The following MAP7 variants were observed in gnomAD, a reference collection of about 807,000 sequenced individuals.
MAP7 encodes the protein ensconsin.
MAP7 carries 52 observed loss-of-function variants against 94.8 expected under a neutral mutation model. That is an observed-to-expected ratio of 0.55 (90% CI 0.44 to 0.69). MAP7 has a LOEUF of 0.69. Among genes scored for constraint, MAP7 ranks in the 30% least tolerant of loss-of-function variants. The pLI, the probability that MAP7 is intolerant of heterozygous loss-of-function variation, is 0.00. For missense variants in MAP7, 940 were observed against 964.6 expected (o/e 0.97, Z 0.34); for synonymous variants, 350 against 357.0 (o/e 0.98, Z 0.22).
At chr6:136,398,704 G>A (rs1452391425) in intron 3 of MAP7, among the ~76,000 whole-genome samples, 1 of 152,160 alleles carries the variant, frequency 6.6e-6, no homozygotes, top group Non-Finnish European at 1.5e-5. Context: ...CTACGATTCT[G>A]AGGTCTCCTC....
intron 1 of MAP7, among the ~76,000 whole-genome samples, chr6:136,513,648 G>A (rs891490309): frequency 6.6e-6 from 1 of 152,154 alleles, no homozygotes; most frequent in Non-Finnish European, 1.5e-5. Flanking sequence ...GCACCTGACA[G>A]TGATAATGCG....
chr6:136,431,967 C>G (rs1795070517), intron 1 of MAP7, among the ~76,000 whole-genome samples: 1 of 152,168 alleles, frequency 6.6e-6, no homozygotes, highest in Non-Finnish European at 1.5e-5. Context: ...CTCTACACCT[C>G]TCCTTTTCTT....
intron 1 of MAP7, among the ~76,000 whole-genome samples, chr6:136,523,825 A>C (rs1827096724): frequency 6.6e-6 from 1 of 152,190 alleles, no homozygotes; most frequent in South Asian, 2.1e-4. Context: ...AAAAATTGCC[A>C]AAAATAAGTA....
chr6:136,547,482 G>C (rs1157512365), intron 1 of MAP7, among the ~76,000 whole-genome samples: 3 of 152,140 alleles, frequency 2.0e-5, no homozygotes, highest in Non-Finnish European at 2.9e-5. Flanking sequence ...GCAGTTTTGT[G>C]AATATCACCC....
chr6:136,413,825 T>C (rs984899611), intron 2 of MAP7, among the ~76,000 whole-genome samples: 2 of 152,116 alleles, frequency 1.3e-5, no homozygotes, highest in African/African-American at 2.4e-5. Flanking sequence ...TTGCCCAGGC[T>C]GCCATATGTC....
chr6:136,412,179 C>G (rs1363808477), intron 2 of MAP7, among the ~76,000 whole-genome samples: 2 of 152,166 alleles, frequency 1.3e-5, no homozygotes, highest in Admixed American at 1.3e-4. Flanking sequence ...AAGTCTCAAG[C>G]TATGAGGTGT....
chr6:136,355,065 A>C (rs895279917), intron 16 of MAP7, among the ~76,000 whole-genome samples: 1 of 152,128 alleles, frequency 6.6e-6, no homozygotes, highest in African/African-American at 2.4e-5. Context: ...TCTACTAAAA[A>C]TACAAAAATT....
intron 2 of MAP7, among the ~76,000 whole-genome samples, chr6:136,421,334 G>A (rs1253032671): frequency 6.6e-6 from 1 of 152,228 alleles, no homozygotes; most frequent in Non-Finnish European, 1.5e-5. Context: ...ATAAAAAATT[G>A]TGTCCTATCA....
At chr6:136,538,926 C>T (rs1368464173) in intron 1 of MAP7, among the ~76,000 whole-genome samples, 2 of 151,776 alleles carry the variant, frequency 1.3e-5, no homozygotes, top group Non-Finnish European at 2.9e-5. Flanking sequence ...AGGTAAAAAC[C>T]ATCATCCCAA....
At chr6:136,371,510 C>T (rs1439215312) in intron 8 of MAP7, among the ~76,000 whole-genome samples, 4 of 152,214 alleles carry the variant, frequency 2.6e-5, no homozygotes, top group Admixed American at 6.5e-5. Context: ...GAAAGAAAAA[C>T]AGGCTGTAGG....
rs922683326 is a variant in MAP7, at chr6:136,531,564, T to C, written c.67+18778A>G. ...GGCAGTGGGGAGCCACTGAAGGGTATTGATAGCTAAATGTGTGATCCAGAC... is the reference window on the plus strand; with the variant it reads ...GGCAGTGGGGAGCCACTGAAGGGTACTGATAGCTAAATGTGTGATCCAGAC... On this transcript the variant is annotated intron_variant, in intron 1 of 17. Coordinates refer to ENST00000354570, the MANE Select transcript of MAP7 (RefSeq NM_003980.6). Among the ~76,000 whole-genome samples, 3 of 144,322 alleles carry C rather than the reference T, an allele frequency of 2.1e-5. 1 individual carries two copies. The highest frequency in any genetic ancestry group is 8.7e-5 in the African/African-American group (3 of 34,448). 94.7% of individuals were successfully genotyped at this position (144,322 alleles called of 152,430 possible).
intron 1 of MAP7, among the ~76,000 whole-genome samples, chr6:136,490,853 C>T (rs1816363627): frequency 6.6e-6 from 1 of 152,234 alleles, no homozygotes; most frequent in South Asian, 2.1e-4. Flanking sequence ...ACCTATAGGT[C>T]TGTCTGACAG....
intron 1 of MAP7, among the ~76,000 whole-genome samples, chr6:136,441,402 G>A (rs1447435228): frequency 2.6e-5 from 4 of 152,096 alleles, no homozygotes; most frequent in African/African-American, 4.8e-5. Flanking sequence ...AAATGTTCAC[G>A]AAATCAAATA....
intron 1 of MAP7, among the ~76,000 whole-genome samples, chr6:136,517,915 T>C (rs1450520536): frequency 6.6e-6 from 1 of 152,180 alleles, no homozygotes; most frequent in Non-Finnish European, 1.5e-5. Context: ...GGGGGTAACT[T>C]CTCTTAAAGT....
intron 3 of MAP7, among the ~76,000 whole-genome samples, chr6:136,409,339 C>A (rs2128733521): frequency 6.6e-6 from 1 of 152,206 alleles, no homozygotes; most frequent in East Asian, 1.9e-4. Flanking sequence ...CGTGATCACA[C>A]CTGTGAACAG....
At chr6:136,498,895 C>G (rs1368674919) in intron 1 of MAP7, among the ~76,000 whole-genome samples, 6 of 151,848 alleles carry the variant, frequency 4.0e-5, no homozygotes, top group African/African-American at 1.5e-4. Flanking sequence ...AGGATACTAG[C>G]TCCATTTCGC....
chr6:136,541,175 T>C lies in MAP7; in HGVS notation c.67+9167A>G, dbSNP rs534077774. Among the ~76,000 whole-genome samples the C allele has an allele frequency of 3.4e-4, 52 of 152,248 alleles. 1 individual carries two copies. In the South Asian group the frequency reaches 9.1e-3, roughly 27 times the overall value. On this transcript the variant is annotated intron_variant, in intron 1 of 17. Coordinates refer to ENST00000354570, the MANE Select transcript of MAP7 (RefSeq NM_003980.6). ...AGAACCAGAAGCCCAGATTCGAATC[T>C]TGAGAAGCAGCCAAAAGTTTTGCTA...
chr6:136,466,768 T>A (rs1807248279), intron 1 of MAP7: 1 of 1,535,128 alleles, frequency 6.5e-7, no homozygotes, highest in African/African-American at 1.4e-5. Flanking sequence ...TACAGTACAG[T>A]TTAGTGTCTT....
intron 3 of MAP7, among the ~76,000 whole-genome samples, chr6:136,397,198 G>T (rs1481394338): frequency 1.3e-5 from 2 of 151,800 alleles, no homozygotes; most frequent in Non-Finnish European, 2.9e-5. Flanking sequence ...TATTTTAAAT[G>T]GAAGGATAAC....
Sources: gnomAD v4.1 joint callset for allele counts (sites outside exome capture counted in the v4.1 genomes callset) on GRCh38, gnomAD v4.1.1 for gene constraint, MANE v1.5 for transcripts, NCBI Gene and HGNC (gene_info 2026-07-23, HGNC 2026-07-21) for gene names.